Variants in CCDC179 observed in about 807,000 individuals in gnomAD.
The protein encoded by CCDC179 is coiled-coil domain-containing protein 179.
In CCDC179, 17 loss-of-function variants were observed where a neutral mutation model predicts 12.0. The observed-to-expected ratio is 1.42, with a 90% confidence interval of 0.97 to 2.13. The LOEUF (loss-of-function observed/expected upper bound fraction) is 2.13, where lower values mean the gene tolerates loss of function less well. Among genes scored for constraint, CCDC179 ranks in the 30% most tolerant of loss-of-function variants. The pLI, the probability that CCDC179 is intolerant of heterozygous loss-of-function variation, is 0.00. For missense variants in CCDC179, 83 were observed against 78.6 expected (o/e 1.06, Z -0.21); for synonymous variants, 27 against 26.4 (o/e 1.02, Z -0.07).
intron 3 of CCDC179, 25 bp from the exon 4 acceptor site, chr11:22,847,546 G>A: frequency 7.9e-7 from 1 of 1,265,848 alleles, no homozygotes; most frequent in Non-Finnish European, 1.1e-6. Context: ...AATACACAAA[G>A]AATAAGAAAT....
chr11:22,860,402 T>A lies in CCDC179; in HGVS notation c.20A>T (p.Asp7Val). 6.5e-7 allele frequency: 1 copy of A among 1,535,600 alleles called. No individual in the cohort carries two copies. The change falls in exon 1 of 4, where the codon GAC (aspartate) becomes GTC (valine). Residue 7 changes from aspartate to valine, a missense_variant. By Grantham distance (152) the Asp-to-Val change is radical (BLOSUM62 -3). Coordinates refer to ENST00000532798, the MANE Select transcript of CCDC179 (RefSeq NM_001195637.2). MCLYCWDIEPSQVNPEG... is the reference protein window; with the variant it reads MCLYCWVIEPSQVNPEG... Reference sequence around the variant, plus strand: ...AGGGTTGACTTGGGAAGGCTCGATGTCCCAGCAATACAGGCACATGCCGTG... The same window carrying A: ...AGGGTTGACTTGGGAAGGCTCGATGACCCAGCAATACAGGCACATGCCGTG...
chr11:22,860,157 T>C (rs1190890346), intron 1 of CCDC179, among the ~76,000 whole-genome samples: 5 of 152,204 alleles, frequency 3.3e-5, no homozygotes, highest in Non-Finnish European at 5.9e-5. Flanking sequence ...ACAGGTGATG[T>C]ACCTGACCCC....
chr11:22,847,390 C>A lies in CCDC179; in HGVS notation c.*120G>T. The A allele has an allele frequency of 1.8e-6, 1 of 558,930 alleles. No individual in the cohort carries two copies. The allele number at this position is 558,930 out of a possible 1,614,324, so 34.6% of individuals were successfully genotyped here. On this transcript the variant is annotated 3_prime_UTR_variant, in exon 4 of 4. Transcript: ENST00000532798. ...AATACTTGCACTGTGTTTATTTTTC[C>A]GAAATGGTGGAGTATTGCATTTATT...
rs939648744 is a variant in CCDC179, at chr11:22,857,984, CT to C, written c.132del (p.Glu45ArgfsTer5). 2.3e-5 allele frequency: 35 copies of C among 1,528,026 alleles called. No individual in the cohort carries two copies. Among genetic ancestry groups the C allele is most frequent in the Non-Finnish European group, 3.0e-5 (34 of 1,143,648 alleles). The allele number at this position is 1,528,026 out of a possible 1,614,324, so 94.7% of individuals were successfully genotyped here. A position where few individuals can be genotyped will look rare whatever the true frequency, so the allele number is the denominator to read the frequency against. The stretch of plus-strand genomic sequence containing the variant: ...AACCTTTTATTCAGTCTCCTCTTCT[CT>C]TTCTTTAGGTGTTGCATATTCTGAA... ...KRIQNMQHLKKEKRRLNKRFS... is the reference protein window; with the variant it reads ...KRIQNMQHLKXEKRRLNKRFS... On this transcript the variant is annotated frameshift_variant, in exon 3 of 4. Coordinates refer to ENST00000532798, the MANE Select transcript of CCDC179 (RefSeq NM_001195637.2). LOFTEE classifies it high-confidence loss of function.
intron 3 of CCDC179, among the ~76,000 whole-genome samples, chr11:22,853,556 T>C (rs910609471): frequency 6.6e-6 from 1 of 151,664 alleles, no homozygotes; most frequent in African/African-American, 2.4e-5. Context: ...ATAGAAACTT[T>C]CCAAACTAAC....
intron 3 of CCDC179, among the ~76,000 whole-genome samples, chr11:22,850,862 C>G (rs1007794179): frequency 1.4e-5 from 2 of 140,108 alleles, no homozygotes; most frequent in Admixed American, 7.5e-5. Context: ...GAATAATTCT[C>G]TTTTCTTTCC....
At chr11:22,850,988 TTTTTTTTTTTTTG>T (rs1858385452) in intron 3 of CCDC179, among the ~76,000 whole-genome samples, 1 of 73,742 alleles carries the variant, frequency 1.4e-5, no homozygotes, top group Non-Finnish European at 2.9e-5. Context: ...TTTTTTTTTT[TTTTTTTTTTTTTG>T]CTGAGATGGA....
intron 3 of CCDC179, 118 bp downstream of exon 3, chr11:22,857,804 A>AAC: frequency 8.3e-6 from 4 of 482,604 alleles, no homozygotes; most frequent in Non-Finnish European, 1.4e-5. Context: ...GACTGAAATT[A>AAC]GAAATTTCTC....
intron 3 of CCDC179, among the ~76,000 whole-genome samples, chr11:22,850,590 C>T (rs1239317970): frequency 6.9e-6 from 1 of 144,380 alleles, no homozygotes; most frequent in Non-Finnish European, 1.5e-5. Context: ...AACTTATTTC[C>T]CTCTGGGTAG....
In CCDC179 at chr11:22,847,197, A is replaced by G; in HGVS notation, c.*313T>C. 1 of 205,722 alleles carries G rather than the reference A, an allele frequency of 4.9e-6. No individual in the cohort carries two copies. Among genetic ancestry groups the G allele is most frequent in the Non-Finnish European group, 9.6e-6 (1 of 104,156 alleles). 12.7% of individuals were successfully genotyped at this position (205,722 alleles called of 1,614,324 possible). A position where few individuals can be genotyped will look rare whatever the true frequency, so the allele number is the denominator to read the frequency against. ...TTCTAAACATCTAAATATGTCATAAAACATTTGCAAAAATTTAAATGAGAA... is the reference window on the plus strand; with the variant it reads ...TTCTAAACATCTAAATATGTCATAAGACATTTGCAAAAATTTAAATGAGAA... On this transcript the variant is annotated 3_prime_UTR_variant, in exon 4 of 4. Transcript: ENST00000532798.
At chr11:22,860,155 T>C (rs1353980666) in intron 1 of CCDC179, among the ~76,000 whole-genome samples, 1 of 152,198 alleles carries the variant, frequency 6.6e-6, no homozygotes, top group Admixed American at 6.5e-5. Context: ...ATACAGGTGA[T>C]GTACCTGACC....
chr11:22,859,833 C>G (rs1441360837), intron 1 of CCDC179, among the ~76,000 whole-genome samples: 1 of 152,112 alleles, frequency 6.6e-6, no homozygotes, highest in Admixed American at 6.5e-5. Context: ...TTCTACAGGA[C>G]TTCAGTGGTG....
Position 22,857,126 on chromosome 11 carries a change from A to G in CCDC179, c.195+796T>C, listed in dbSNP as rs1023832933. Among the ~76,000 whole-genome samples the G allele has an allele frequency of 2.0e-5, 3 of 151,772 alleles. No homozygotes were observed. In the East Asian group the frequency reaches 5.8e-4, roughly 29 times the overall value. On this transcript the variant is annotated intron_variant, in intron 3 of 3. Coordinates refer to ENST00000532798, the MANE Select transcript of CCDC179 (RefSeq NM_001195637.2). ...ATCCTTTGGATCCAGCACAATCCCA[A>G]TAAAAATTCTAGCAAGTTACTTTGT... is the stretch of plus-strand genomic sequence containing the variant.
chr11:22,852,650 A>G (rs890944756), intron 3 of CCDC179, among the ~76,000 whole-genome samples: 7 of 152,152 alleles, frequency 4.6e-5, no homozygotes. Flanking sequence ...CTGTGATTTC[A>G]TTCCCAACCA....
intron 3 of CCDC179, among the ~76,000 whole-genome samples, chr11:22,850,858 T>C (rs1030497675): frequency 1.3e-4 from 19 of 146,810 alleles, no homozygotes; most frequent in Non-Finnish European, 6.0e-5. Context: ...CCAGGAATAA[T>C]TCTCTTTTCT....
chr11:22,859,647 G>A (rs960817419), intron 1 of CCDC179, among the ~76,000 whole-genome samples, 151 bp from the exon 2 acceptor site: 4 of 149,910 alleles, frequency 2.7e-5, no homozygotes, highest in African/African-American at 1.0e-4. Flanking sequence ...AAAACAAAAA[G>A]AAAAAAGTCA....
At chr11:22,847,738 CAAAT>C (rs1858259046) in intron 3 of CCDC179, among the ~76,000 whole-genome samples, 1 of 151,988 alleles carries the variant, frequency 6.6e-6, no homozygotes, top group Non-Finnish European at 1.5e-5. Flanking sequence ...TAATTATCAT[CAAAT>C]AAATCATATC....
At chr11:22,849,436 T>C (rs937595161) in intron 3 of CCDC179, among the ~76,000 whole-genome samples, 4 of 152,176 alleles carry the variant, frequency 2.6e-5, no homozygotes, top group African/African-American at 4.8e-5. Flanking sequence ...GGATGAATGG[T>C]ATAGAACAGT....
At position 22,847,462 on chromosome 11, in the gene CCDC179, C is replaced by G; in HGVS notation, c.*48G>C. The G allele has an allele frequency of 7.8e-7, 1 of 1,283,652 alleles. No individual in the cohort carries two copies. The allele number at this position is 1,283,652 out of a possible 1,614,324, so 79.5% of individuals were successfully genotyped here. ...TATGTCACTTGATGTTCACAATCCACATATTTCTGTCTGGAGCATGGTTTC... is the reference window on the plus strand; with the variant it reads ...TATGTCACTTGATGTTCACAATCCAGATATTTCTGTCTGGAGCATGGTTTC... On this transcript the variant is annotated 3_prime_UTR_variant, in exon 4 of 4. Coordinates refer to ENST00000532798, the MANE Select transcript of CCDC179 (RefSeq NM_001195637.2).
Sources: gnomAD v4.1 joint callset for allele counts (sites outside exome capture counted in the v4.1 genomes callset) on GRCh38, gnomAD v4.1.1 for gene constraint, MANE v1.5 for transcripts, NCBI Gene and HGNC (gene_info 2026-07-23, HGNC 2026-07-21) for gene names.